PLXNA4: variants seen among roughly 807,000 people sequenced by gnomAD.
The protein encoded by PLXNA4 is plexin A4, also known as plexin-A4.
A neutral mutation model predicts 191.8 loss-of-function variants in PLXNA4; 44 were observed. The ratio of observed to expected loss-of-function variants is 0.23; its 90% CI spans 0.18 to 0.29. PLXNA4 has a LOEUF of 0.29. Ranked by LOEUF, PLXNA4 falls within the 10% of genes least tolerant of loss-of-function variation. The probability of loss-of-function intolerance (pLI) is 1.00; values close to 1 mark genes in which losing one functional copy is unlikely to be tolerated. For missense variants in PLXNA4, 1,800 were observed against 2,488.8 expected, an observed-to-expected ratio of 0.72 and a Z score of 5.89; for synonymous variants, 1,082 against 1,009.5, an observed-to-expected ratio of 1.07 and a Z score of -1.36.
intron 3 of PLXNA4, among the ~76,000 whole-genome samples, chr7:132,411,466 A>G (rs1794458226): frequency 6.6e-6 from 1 of 152,156 alleles, no homozygotes; most frequent in Admixed American, 6.5e-5. Context: ...ACTGCTTTGA[A>G]TTTACTGACA....
chr7:132,154,877 C>T (rs879476331), intron 25 of PLXNA4, among the ~76,000 whole-genome samples: 26 of 152,132 alleles, frequency 1.7e-4, no homozygotes, highest in Non-Finnish European at 3.4e-4. Context: ...CACTCACAAT[C>T]CAATTTGTTA....
In PLXNA4 at chr7:132,646,196, C is replaced by T. The variant is rs183998752; in HGVS notation, c.-202-153G>A. Among the ~76,000 whole-genome samples the T allele has an allele frequency of 4.5e-4, 69 of 152,308 alleles. No homozygotes were observed. The Middle Eastern group carries it at 0.01, about 23-fold the overall frequency. Reference sequence around the variant, plus strand: ...GCTTCATAGAACACACTAATCTCCCCTCTGTCAGTCCCTTGGTGTTTTTTT... The same window carrying T: ...GCTTCATAGAACACACTAATCTCCCTTCTGTCAGTCCCTTGGTGTTTTTTT... On this transcript the variant is annotated intron_variant, in intron 1 of 4. Coordinates refer to the PLXNA4 transcript ENST00000378539.
In PLXNA4 at chr7:132,508,839, A is replaced by T; in HGVS notation, c.-86-60T>A. The stretch of plus-strand genomic sequence containing the variant: ...TGCCAGTGGCTTCATTTCACCCCAC[A>T]GCTTGTCTGCCTGGACTTTCAAAAT... On this transcript the variant is annotated intron_variant, in intron 1 of 31. Coordinates refer to ENST00000321063, the MANE Select transcript of PLXNA4 (RefSeq NM_020911.2). The surrounding 1 kb of genome is among the most constrained non-coding windows in gnomAD (Gnocchi z 4.4). 7.2e-7 allele frequency: 1 copy of T among 1,389,514 alleles called. No homozygotes were observed. The highest frequency in any genetic ancestry group is 1.5e-5 in the South Asian group (1 of 65,032). The allele number at this position is 1,389,514 out of a possible 1,614,324, so 86.1% of individuals were successfully genotyped here.
At chr7:132,640,427 T>C (rs1013728529) in intron 2 of PLXNA4, among the ~76,000 whole-genome samples, 7 of 152,112 alleles carry the variant, frequency 4.6e-5, no homozygotes, top group Non-Finnish European at 8.8e-5. Context: ...GATAGGGCCT[T>C]TGGGGAGGTA....
chr7:132,387,535 T>A (rs192676349), intron 3 of PLXNA4, among the ~76,000 whole-genome samples: 1 of 152,128 alleles, frequency 6.6e-6, no homozygotes, highest in Admixed American at 6.5e-5. Flanking sequence ...GAAAACTGAA[T>A]AGCCCATCTG....
In PLXNA4 at chr7:132,180,700, G is replaced by T. The variant is rs1584805750; in HGVS notation, c.3525C>A (p.Gly1175=). ...GKNLIPPVAG[G]NVKLNYTVLV... is the part of the protein sequence containing the mutation. ...GCACAGTGTAGTTCAGCTTCACGTT[G>T]CCCCCAGCCACAGGCGGGATCAGGT... The change falls in exon 19 of 32, where the codon GGC becomes GGA. Residue 1175 remains glycine (G), a synonymous_variant. Coordinates refer to ENST00000321063, the MANE Select transcript of PLXNA4 (RefSeq NM_020911.2). 9 of 1,613,978 alleles carry T rather than the reference G, an allele frequency of 5.6e-6. No individual in the cohort carries two copies. The highest frequency in any genetic ancestry group is 3.3e-5 in the South Asian group (3 of 91,076).
chr7:132,536,627 G>GCA (rs879670924), intron 1 of PLXNA4, among the ~76,000 whole-genome samples: 1,938 of 152,310 alleles, frequency 0.013, 18 homozygotes, highest in Middle Eastern at 0.044. Context: ...TTAATTAGAA[G>GCA]GCCAGTCCTT....
chr7:132,433,275 G>A (rs1431718469), intron 3 of PLXNA4, among the ~76,000 whole-genome samples: 1 of 152,152 alleles, frequency 6.6e-6, no homozygotes, highest in Non-Finnish European at 1.5e-5. Context: ...CTGGTTTGAT[G>A]TCACCTTTTG....
At chr7:132,613,218 A>G (rs1172360231) in intron 2 of PLXNA4, among the ~76,000 whole-genome samples, 1 of 151,822 alleles carries the variant, frequency 6.6e-6, no homozygotes, top group African/African-American at 2.4e-5. Flanking sequence ...CACTTTTCCA[A>G]CTCGGGATCT....
chr7:132,366,268 A>G lies in PLXNA4; in HGVS notation c.1372-68046T>C, dbSNP rs200912869. On this transcript the variant is annotated intron_variant, in intron 3 of 31. Transcript: ENST00000321063. ...AGGCTAGGCATGGTGGCTCCCACCT[A>G]TAATCCCAACGCTTTGGGAGGCTGA... Among the ~76,000 whole-genome samples the G allele has an allele frequency of 9.2e-5, 14 of 152,310 alleles. No homozygotes were observed. The East Asian group carries it at 2.7e-3, about 29-fold the overall frequency.
intron 3 of PLXNA4, among the ~76,000 whole-genome samples, chr7:132,465,382 A>T (rs538038320): frequency 6.6e-6 from 1 of 152,288 alleles, no homozygotes; most frequent in Non-Finnish European, 1.5e-5. Flanking sequence ...GCTTCCACAT[A>T]AGATTTTATA....
chr7:132,621,610 C>A (rs1023144528), intron 2 of PLXNA4, among the ~76,000 whole-genome samples: 2 of 152,050 alleles, frequency 1.3e-5, no homozygotes, highest in African/African-American at 4.8e-5. Context: ...TGAGGCCCAC[C>A]ATATACATGG....
Position 132,259,436 on chromosome 7 carries a change from C to CAAAAAAAAAAAAAAAAAAAAAA in PLXNA4, c.1504-18292_1504-18271dup, listed in dbSNP as rs55902635. On this transcript the variant is annotated intron_variant, in intron 4 of 31. Coordinates refer to ENST00000321063, the MANE Select transcript of PLXNA4 (RefSeq NM_020911.2). Reference sequence around the variant, plus strand: ...GGGCAACAAGAGCAAAACTCCAACTCAAAAAAAAAAAAAAAAAAAAAAAAA... The same window carrying CAAAAAAAAAAAAAAAAAAAAAA: ...GGGCAACAAGAGCAAAACTCCAACTCAAAAAAAAAAAAAAAAAAAAAAAAAAAAAAAAAAAAAAAAAAAAAAA... 9.7e-4 allele frequency among the ~76,000 whole-genome samples: 33 copies of CAAAAAAAAAAAAAAAAAAAAAA among 33,864 alleles called. 1 individual carries two copies. Among genetic ancestry groups the CAAAAAAAAAAAAAAAAAAAAAA allele is most frequent in the Admixed American group, 2.1e-3 (4 of 1,866 alleles). 22.2% of individuals were successfully genotyped at this position (33,864 alleles called of 152,430 possible).
intron 5 of PLXNA4, among the ~76,000 whole-genome samples, chr7:132,235,358 G>A (rs562785586): frequency 6.6e-6 from 1 of 152,360 alleles, no homozygotes; most frequent in South Asian, 2.1e-4. Flanking sequence ...TCTGTTCTTA[G>A]ACAGGTCCTC....
intron 9 of PLXNA4, among the ~76,000 whole-genome samples, chr7:132,222,630 C>G (rs573052780): frequency 1.5e-4 from 23 of 152,272 alleles, no homozygotes; most frequent in African/African-American, 4.8e-4. Flanking sequence ...GGTGCTGGAG[C>G]CTGCTGAGTC....
intron 4 of PLXNA4, among the ~76,000 whole-genome samples, chr7:132,248,309 T>C (rs1436263482): frequency 6.6e-6 from 1 of 152,120 alleles, no homozygotes; most frequent in Non-Finnish European, 1.5e-5. Context: ...CCCAGCTGAG[T>C]TGAGCTTAGG....
chr7:132,164,409 G>C (rs1346346597), intron 23 of PLXNA4, 121 bp from the exon 24 acceptor site: 7 of 1,403,644 alleles, frequency 5.0e-6, no homozygotes, highest in Non-Finnish European at 6.6e-6. Context: ...GCCCCCACCT[G>C]CTTTTATACT....
chr7:132,214,803 C>T (rs1271972467), intron 9 of PLXNA4, among the ~76,000 whole-genome samples: 2 of 152,140 alleles, frequency 1.3e-5, no homozygotes, highest in South Asian at 2.1e-4. Flanking sequence ...TCTGTCTCCC[C>T]ACTCCTCGGC....
intron 2 of PLXNA4, among the ~76,000 whole-genome samples, chr7:132,499,208 C>T (rs1033122112): frequency 2.6e-5 from 4 of 152,236 alleles, no homozygotes; most frequent in African/African-American, 4.8e-5. Context: ...GAACCCATGA[C>T]CTTCTCCTCA....
Sources: gnomAD v4.1 joint callset for allele counts (sites outside exome capture counted in the v4.1 genomes callset) on GRCh38, gnomAD v4.1.1 for gene constraint, Gnocchi (gnomAD v3.1) non-coding constraint, MANE v1.5 for transcripts, NCBI Gene and HGNC (gene_info 2026-07-23, HGNC 2026-07-21) for gene names.